The following MUCL1 variants were observed in gnomAD, a reference collection of about 807,000 sequenced individuals.
The protein encoded by MUCL1 is mucin like 1.
A neutral mutation model predicts 9.2 loss-of-function variants in MUCL1; 11 were observed. The observed-to-expected ratio is 1.19, with a 90% CI of 0.75 to 1.97. The LOEUF is 1.97. Among genes scored for constraint, MUCL1 ranks in the 30% most tolerant of loss-of-function variants. The pLI, the probability that MUCL1 is intolerant of heterozygous loss-of-function variation, is 0.00. For missense variants in MUCL1, 144 were observed against 110.9 expected, an observed-to-expected ratio of 1.30 and a Z score of -1.34; for synonymous variants, 48 against 40.5, an observed-to-expected ratio of 1.19 and a Z score of -0.71.
chr12:54,832,009 G>T (rs1431469273), intron 1 of MUCL1, among the ~76,000 whole-genome samples: 1 of 152,012 alleles, frequency 6.6e-6, no homozygotes, highest in East Asian at 1.9e-4. Context: ...ATATATCTTT[G>T]ATAGGAAATA....
chr12:54,839,988 G>C (rs1368090364), intron 1 of MUCL1, among the ~76,000 whole-genome samples: 2 of 152,156 alleles, frequency 1.3e-5, no homozygotes, highest in Admixed American at 1.3e-4. Context: ...CTGCTGTCTG[G>C]ATTCTTTTGT....
At chr12:54,837,151 A>G (rs544957008), upstream of MUCL1, among the ~76,000 whole-genome samples, 2 of 152,210 alleles carry the variant, frequency 1.3e-5, no homozygotes, top group African/African-American at 2.4e-5. Flanking sequence ...TTCTGCCTCA[A>G]TGGTCTATCT....
chr12:54,835,082 T>C (rs912293923), upstream of MUCL1, among the ~76,000 whole-genome samples: 2 of 152,150 alleles, frequency 1.3e-5, no homozygotes, highest in African/African-American at 4.8e-5. Context: ...CAAAAAACAC[T>C]ATTTCATTCT....
chr12:54,836,784 T>A (rs754345149), upstream of MUCL1, among the ~76,000 whole-genome samples: 1 of 152,350 alleles, frequency 6.6e-6, no homozygotes, highest in East Asian at 1.9e-4. Flanking sequence ...CTTGTGCAAC[T>A]ATTATCATTC....
Position 54,858,347 on chromosome 12 carries a change from C to A in MUCL1, c.*105C>A. On this transcript the variant is annotated 3_prime_UTR_variant, in exon 4 of 4. Transcript: ENST00000308796. ...CTACGATATCCCCTTTATCTCTAAT[C>A]AGTTTATTTTCTTTCAAATAAAAAA... The A allele has an allele frequency of 1.5e-6, 2 of 1,347,740 alleles. No individual in the cohort carries two copies. Among genetic ancestry groups the A allele is most frequent in the South Asian group, 1.2e-5 (1 of 82,334 alleles). 83.5% of individuals were successfully genotyped at this position (1,347,740 alleles called of 1,614,324 possible).
intron 1 of MUCL1, among the ~76,000 whole-genome samples, chr12:54,842,670 T>C (rs1959218384): frequency 6.6e-6 from 1 of 152,212 alleles, no homozygotes; most frequent in Admixed American, 6.5e-5. Flanking sequence ...CAACATCTTA[T>C]AGTTGATTTT....
upstream of MUCL1, among the ~76,000 whole-genome samples, chr12:54,852,010 T>C (rs533110133): frequency 2.0e-5 from 3 of 152,136 alleles, no homozygotes; most frequent in Admixed American, 6.5e-5. Flanking sequence ...TAAAAGAGGA[T>C]ACAAACAAAT....
In MUCL1 at chr12:54,858,201, A is replaced by G; in HGVS notation, c.232A>G (p.Lys78Glu). ...ATTTTTTTCTCTTGCAGTTTTACCCAAATGGGTTGGGGATCTCCCGAATGG... is the reference window on the plus strand; with the variant it reads ...ATTTTTTTCTCTTGCAGTTTTACCCGAATGGGTTGGGGATCTCCCGAATGG... ...TARKDIPVLPKWVGDLPNGRV... is the reference protein window; with the variant it reads ...TARKDIPVLPEWVGDLPNGRV... The change falls in exon 4 of 4, where the codon AAA becomes GAA. Residue 78 changes from lysine (K) to glutamate (E), a missense_variant. By Grantham distance (56) the Lys-to-Glu change is moderately conservative. Coordinates refer to ENST00000308796, the MANE Select transcript of MUCL1 (RefSeq NM_058173.3). The G allele has an allele frequency of 6.2e-7, 1 of 1,613,552 alleles. No individual in the cohort carries two copies. The highest frequency in any genetic ancestry group is 8.5e-7 in the Non-Finnish European group (1 of 1,179,628).
At chr12:54,838,941 G>T (rs1959198794), upstream of MUCL1, among the ~76,000 whole-genome samples, 1 of 151,956 alleles carries the variant, frequency 6.6e-6, no homozygotes, top group African/African-American at 2.4e-5. Context: ...ATTTCATATT[G>T]GTTTGGATTC....
At chr12:54,839,308 C>T, upstream of MUCL1, 1 of 694,854 alleles carries the variant, frequency 1.4e-6, no homozygotes, top group Non-Finnish European at 2.6e-6. Flanking sequence ...TGTCTTGAAG[C>T]TTATCTCATT....
rs1489547678 is a variant in MUCL1, at chr12:54,858,183, T to C, written c.224-10T>C. On this transcript the variant is annotated splice_polypyrimidine_tract_variant and intron_variant, in intron 3 of 3. Transcript: ENST00000308796. ...TCGAAGCCCCTTGACAATATTTTTT[T>C]CTCTTGCAGTTTTACCCAAATGGGT... The C allele has an allele frequency of 1.9e-6, 3 of 1,613,400 alleles. No individual in the cohort carries two copies. The highest frequency in any genetic ancestry group is 1.3e-5 in the African/African-American group (1 of 74,978).
At chr12:54,831,023 C>T (rs956680426) in intron 1 of MUCL1, 2 of 152,176 alleles carry the variant, frequency 1.3e-5, no homozygotes, top group African/African-American at 2.4e-5. Context: ...TTGCCAGAAA[C>T]GTGATTTGGA....
intron 1 of MUCL1, among the ~76,000 whole-genome samples, chr12:54,843,343 T>C (rs1044776557): frequency 6.6e-6 from 1 of 152,216 alleles, no homozygotes; most frequent in Non-Finnish European, 1.5e-5. Context: ...TTTTATCAAA[T>C]GTTTTTCTGC....
chr12:54,856,797 ATGCTGAAACCACTGC>A lies in MUCL1; in HGVS notation c.134_148del (p.Glu45_Ala49del), dbSNP rs771677113. 85 of 1,613,382 alleles carry A rather than the reference ATGCTGAAACCACTGC, an allele frequency of 5.3e-5. No individual in the cohort carries two copies. Among genetic ancestry groups the A allele is most frequent in the Middle Eastern group, 1.6e-4 (1 of 6,062 alleles). ...GGTCCTGCTGATGATGAAGCCCCTGATGCTGAAACCACTGCTGCTGCAACCACTGCAACCACTGCT... is the reference window on the plus strand; with the variant it reads ...GGTCCTGCTGATGATGAAGCCCCTGATGCTGCAACCACTGCAACCACTGCT... On this transcript the variant is annotated inframe_deletion, in exon 3 of 4. Coordinates refer to ENST00000308796, the MANE Select transcript of MUCL1 (RefSeq NM_058173.3).
intron 1 of MUCL1, among the ~76,000 whole-genome samples, chr12:54,848,875 T>C (rs954537977): frequency 6.6e-6 from 1 of 152,198 alleles, no homozygotes; most frequent in Non-Finnish European, 1.5e-5. Flanking sequence ...AAATTAAGTG[T>C]ATACATATAT....
chr12:54,848,904 G>A (rs2135943794), intron 1 of MUCL1, among the ~76,000 whole-genome samples: 1 of 152,096 alleles, frequency 6.6e-6, no homozygotes, highest in East Asian at 1.9e-4. Context: ...AAAAACCTCT[G>A]AACATTTATC....
At chr12:54,843,875 G>C (rs1177487762) in intron 1 of MUCL1, among the ~76,000 whole-genome samples, 5 of 152,158 alleles carry the variant, frequency 3.3e-5, no homozygotes, top group Admixed American at 3.3e-4. Context: ...AAGGCACTAA[G>C]TTGGTGGTAA....
chr12:54,850,266 C>T (rs1371039329), upstream of MUCL1, among the ~76,000 whole-genome samples: 3 of 151,726 alleles, frequency 2.0e-5, no homozygotes, highest in Non-Finnish European at 4.4e-5. Context: ...CCCATTAACT[C>T]GTCATTTACA....
Position 54,854,565 on chromosome 12 carries a change from G to A in MUCL1, c.-18G>A. On this transcript the variant is annotated 5_prime_UTR_variant, in exon 1 of 4. Transcript: ENST00000308796. Reference sequence around the variant, plus strand: ...TGAAGCATTTTTGTCTGTGCTCCCTGATCTTCAGGTCACCACCATGAAGTT... The same window carrying A: ...TGAAGCATTTTTGTCTGTGCTCCCTAATCTTCAGGTCACCACCATGAAGTT... 1 of 1,610,822 alleles carries A rather than the reference G, an allele frequency of 6.2e-7. No individual in the cohort carries two copies. The highest frequency in any genetic ancestry group is 8.5e-7 in the Non-Finnish European group (1 of 1,178,326).
Sources: gnomAD v4.1 joint callset for allele counts (sites outside exome capture counted in the v4.1 genomes callset) on GRCh38, gnomAD v4.1.1 for gene constraint, MANE v1.5 for transcripts, NCBI Gene and HGNC (gene_info 2026-07-23, HGNC 2026-07-21) for gene names.